CRPPA: variants seen among roughly 807,000 people sequenced by gnomAD.
CRPPA encodes the protein D-ribitol-5-phosphate cytidylyltransferase.
In CRPPA, 43 loss-of-function variants were observed where a neutral mutation model predicts 52.0. The ratio of observed to expected loss-of-function variants is 0.83; its 90% CI spans 0.65 to 1.07. CRPPA has a LOEUF of 1.07. Among genes scored for constraint, CRPPA ranks in the 50% least tolerant of loss-of-function variants. The pLI is 0.00. For missense variants in CRPPA, 629 were observed against 551.7 expected, an observed-to-expected ratio of 1.14 and a Z score of -1.40; for synonymous variants, 250 against 203.5, an observed-to-expected ratio of 1.23 and a Z score of -1.94.
At chr7:16,265,984 A>T (rs1783942570) in intron 6 of CRPPA, among the ~76,000 whole-genome samples, 1 of 152,130 alleles carries the variant, frequency 6.6e-6, no homozygotes, top group African/African-American at 2.4e-5. Context: ...CATCAGTGTT[A>T]CTCTAGGTAC....
At chr7:16,275,219 T>C (rs1299805530) in intron 6 of CRPPA, among the ~76,000 whole-genome samples, 1 of 152,194 alleles carries the variant, frequency 6.6e-6, no homozygotes, top group African/African-American at 2.4e-5. Context: ...CTGGATACCT[T>C]AGCAGGCCAT....
intron 3 of CRPPA, among the ~76,000 whole-genome samples, chr7:16,371,948 C>A (rs10249467): frequency 0.16 from 24,294 of 151,466 alleles, 2,999 homozygotes; most frequent in African/African-American, 0.34. Flanking sequence ...GACTAGAAGA[C>A]GCAGAAGAAA....
intron 9 of CRPPA, among the ~76,000 whole-genome samples, chr7:16,119,470 A>T (rs912332081): frequency 2.0e-5 from 3 of 152,238 alleles, no homozygotes; most frequent in African/African-American, 7.2e-5. Flanking sequence ...AAATAAGGTG[A>T]GATATACAAG....
chr7:16,149,654 A>C (rs142880646), intron 9 of CRPPA, among the ~76,000 whole-genome samples: 3 of 152,216 alleles, frequency 2.0e-5, no homozygotes, highest in Non-Finnish European at 4.4e-5. Context: ...TTGATTCATA[A>C]AAATTACAGT....
At chr7:16,285,358 T>C (rs1016965087) in intron 5 of CRPPA, among the ~76,000 whole-genome samples, 7 of 152,150 alleles carry the variant, frequency 4.6e-5, no homozygotes, top group African/African-American at 1.7e-4. Context: ...TTGACTGATA[T>C]TAGACTGATA....
chr7:16,253,035 T>C (rs1783504555), intron 8 of CRPPA, among the ~76,000 whole-genome samples: 1 of 152,204 alleles, frequency 6.6e-6, no homozygotes, highest in Non-Finnish European at 1.5e-5. Context: ...ATCTATTTTG[T>C]TGATCTTTTC....
At chr7:16,169,137 A>G (rs1455908670) in intron 9 of CRPPA, among the ~76,000 whole-genome samples, 1 of 152,246 alleles carries the variant, frequency 6.6e-6, no homozygotes, top group Non-Finnish European at 1.5e-5. Context: ...AATATCATGG[A>G]AATTACATAT....
At chr7:16,299,809 C>A (rs111331032) in intron 5 of CRPPA, among the ~76,000 whole-genome samples, 5,719 of 152,190 alleles carry the variant, frequency 0.038, 349 homozygotes, top group African/African-American at 0.13. Context: ...AAAGTCATAG[C>A]CCCTGCAATA....
At chr7:16,298,441 C>A (rs758004130) in intron 5 of CRPPA, among the ~76,000 whole-genome samples, 1 of 152,130 alleles carries the variant, frequency 6.6e-6, no homozygotes, top group East Asian at 1.9e-4. Context: ...CTCTCAAATA[C>A]CCTATTATAT....
intron 2 of CRPPA, among the ~76,000 whole-genome samples, chr7:16,403,321 G>C (rs1204136582): frequency 6.6e-6 from 1 of 152,162 alleles, no homozygotes; most frequent in East Asian, 1.9e-4. Flanking sequence ...ATGCTTTTGA[G>C]CTCTACAACC....
At position 16,259,728 on chromosome 7, in the gene CRPPA, A is replaced by G. The variant is rs1466964486; in HGVS notation, c.934-716T>C. On this transcript the variant is annotated intron_variant, in intron 6 of 9. Transcript: ENST00000407010. Reference sequence around the variant, plus strand: ...AGGGATCTGTGATATCTTTGCTATAATAATTCCACAGGAAATCACATTTCA... The same window carrying G: ...AGGGATCTGTGATATCTTTGCTATAGTAATTCCACAGGAAATCACATTTCA... 1.3e-5 allele frequency among the ~76,000 whole-genome samples: 2 copies of G among 152,010 alleles called. 1 individual carries two copies. The highest frequency in any genetic ancestry group is 2.9e-5 in the Non-Finnish European group (2 of 67,916).
chr7:16,219,278 G>A (rs1782431024), intron 8 of CRPPA, among the ~76,000 whole-genome samples: 1 of 149,986 alleles, frequency 6.7e-6, no homozygotes. Context: ...GAATCTCTGG[G>A]ACGCATTCAA....
chr7:16,258,352 G>C (rs751308871), intron 8 of CRPPA, 38 bp downstream of exon 8: 1 of 1,245,578 alleles, frequency 8.0e-7, no homozygotes, highest in Non-Finnish European at 1.2e-6. Context: ...AAAGAAGGAA[G>C]CATAAGTTTG....
At position 16,173,009 on chromosome 7, in the gene CRPPA, A is replaced by G. The variant is rs370997153; in HGVS notation, c.1251+43057T>C. 5.5e-4 allele frequency among the ~76,000 whole-genome samples: 84 copies of G among 152,362 alleles called. 1 individual carries two copies. The highest frequency in any genetic ancestry group is 1.9e-3 in the African/African-American group (78 of 41,584). On this transcript the variant is annotated intron_variant, in intron 9 of 9. Transcript: ENST00000407010. ...TTTATCACTACAATTTTAAATGTGT[A>G]GTCAATATTTAACATTTTAAACTAA...
At chr7:16,250,619 A>C (rs1010668073) in intron 8 of CRPPA, among the ~76,000 whole-genome samples, 5 of 152,224 alleles carry the variant, frequency 3.3e-5, no homozygotes, top group African/African-American at 4.8e-5. Context: ...ATATCCAGCC[A>C]AACTAAGCTT....
intron 7 of CRPPA, 87 bp downstream of exon 7, chr7:16,258,833 T>A (rs928489314): frequency 8.0e-6 from 6 of 753,894 alleles, no homozygotes; most frequent in Non-Finnish European, 1.0e-5. Context: ...CATCATAATA[T>A]CATATATAAA....
intron 2 of CRPPA, among the ~76,000 whole-genome samples, chr7:16,394,510 G>C (rs1391495628): frequency 6.6e-6 from 1 of 152,130 alleles, no homozygotes; most frequent in African/African-American, 2.4e-5. Context: ...AATAAGACTT[G>C]GGAGGAGATA....
chr7:16,157,835 G>A lies in CRPPA; in HGVS notation c.1251+58231C>T, dbSNP rs377400254. On this transcript the variant is annotated intron_variant, in intron 9 of 9. Transcript: ENST00000407010. Reference sequence around the variant, plus strand: ...ACATACCATGCTTGCTTCCTGTTGTGTCACTCTGATTTCCCTTTTTCTAAA... The same window carrying A: ...ACATACCATGCTTGCTTCCTGTTGTATCACTCTGATTTCCCTTTTTCTAAA... Among the ~76,000 whole-genome samples the A allele has an allele frequency of 2.0e-5, 3 of 151,304 alleles. No homozygotes were observed. In the East Asian group the frequency reaches 5.9e-4, roughly 30 times the overall value.
At chr7:16,363,128 C>T (rs144107028) in intron 3 of CRPPA, among the ~76,000 whole-genome samples, 150 of 152,218 alleles carry the variant, frequency 9.9e-4, no homozygotes, top group African/African-American at 3.5e-3. Flanking sequence ...GCTCCTCTGC[C>T]CTGCCCTACC....
Sources: gnomAD v4.1 joint callset for allele counts (sites outside exome capture counted in the v4.1 genomes callset) on GRCh38, gnomAD v4.1.1 for gene constraint, MANE v1.5 for transcripts, NCBI Gene and HGNC (gene_info 2026-07-23, HGNC 2026-07-21) for gene names.